The following CIZ1 variants were observed in gnomAD, a reference collection of about 807,000 sequenced individuals.
CIZ1 encodes CDKN1A interacting zinc finger protein 1, also known as cip1-interacting zinc finger protein.
CIZ1 carries 58 observed loss-of-function variants against 118.6 expected under a neutral mutation model. The ratio of observed to expected loss-of-function variants is 0.49; its 90% confidence interval spans 0.40 to 0.61. The LOEUF (loss-of-function observed/expected upper bound fraction) is 0.61, where lower values mean the gene tolerates loss of function less well. Among genes scored for constraint, CIZ1 ranks in the 20% least tolerant of loss-of-function variants. CIZ1 has a pLI of 0.00. For missense variants in CIZ1, 921 were observed against 1,115.9 expected, an observed-to-expected ratio of 0.83 and a Z score of 2.49; for synonymous variants, 448 against 443.4, an observed-to-expected ratio of 1.01 and a Z score of -0.13.
intron 11 of CIZ1, among the ~76,000 whole-genome samples, chr9:128,175,321 A>G (rs1029739941): frequency 1.3e-5 from 2 of 152,082 alleles, no homozygotes; most frequent in African/African-American, 4.8e-5. Context: ...TTTCATCATG[A>G]TACTAATAGC....
chr9:128,175,230 G>A (rs1830708316), intron 11 of CIZ1, among the ~76,000 whole-genome samples: 1 of 152,092 alleles, frequency 6.6e-6, no homozygotes, highest in African/African-American at 2.4e-5. Flanking sequence ...TTTATTCATT[G>A]TTCCACGAGC....
At chr9:128,169,306 G>A (rs980217848) in intron 13 of CIZ1, 100 bp downstream of exon 13, 26 of 876,424 alleles carry the variant, frequency 3.0e-5, no homozygotes, top group African/African-American at 2.8e-4. Context: ...CTCCAGACCC[G>A]CTGTGAGTTT....
At chr9:128,200,709 T>C (rs1325032834) in intron 1 of CIZ1, among the ~76,000 whole-genome samples, 2 of 149,362 alleles carry the variant, frequency 1.3e-5, no homozygotes, top group Non-Finnish European at 3.0e-5. Flanking sequence ...TGGTGGTGCA[T>C]GCCTGTAGTC....
intron 3 of CIZ1, among the ~76,000 whole-genome samples, chr9:128,188,434 T>C (rs1329304718): frequency 6.6e-6 from 1 of 152,150 alleles, no homozygotes; most frequent in African/African-American, 2.4e-5. Flanking sequence ...GGTTTTCCTA[T>C]CCCCATTTTT....
In CIZ1 at chr9:128,166,299, G is replaced by A; in HGVS notation, c.2595C>T (p.Arg865=). 2.0e-6 allele frequency: 1 copy of A among 493,590 alleles called. No homozygotes were observed. Among genetic ancestry groups the A allele is most frequent in the Non-Finnish European group, 4.1e-6 (1 of 245,008 alleles). 30.6% of individuals were successfully genotyped at this position (493,590 alleles called of 1,614,324 possible). The stretch of plus-strand genomic sequence containing the variant: ...CCTGGGTGTTGGGCTGGGAGGGTGG[G>A]CGGCCGCTGGAGGTGAACAGGGCTG... ...ALTALFTSSG[R]PPSQPNTQDK... The change falls in exon 17 of 17, where the codon CGC becomes CGT. Residue 865 remains arginine (R), a synonymous_variant. Transcript: ENST00000372938. The surrounding 1 kb of genome is among the most constrained non-coding windows in gnomAD (Gnocchi z 4.4).
chr9:128,191,563 G>T lies in CIZ1; in HGVS notation c.-137C>A. 1 of 1,093,462 alleles carries T rather than the reference G, an allele frequency of 9.1e-7. No homozygotes were observed. Among genetic ancestry groups the T allele is most frequent in the Non-Finnish European group, 1.1e-6 (1 of 899,456 alleles). The allele number at this position is 1,093,462 out of a possible 1,614,324, so 67.7% of individuals were successfully genotyped here. A position where few individuals can be genotyped will look rare whatever the true frequency, so the allele number is the denominator to read the frequency against. On this transcript the variant is annotated 5_prime_UTR_variant, in exon 1 of 17. Coordinates refer to ENST00000372938, the MANE Select transcript of CIZ1 (RefSeq NM_001131016.2). This position sits in a 1 kb window ranked among gnomAD's most constrained non-coding sequence, Gnocchi z 5.5. ...CCCCGCTGCTACTCCGGGGCCTGTG[G>T]GCTCGTAAGGCCCAAATGCGGGCGG...
In CIZ1 at chr9:128,169,103, C is replaced by A. The variant is rs1829805983; in HGVS notation, c.2244G>T (p.Glu748Asp). 6.2e-7 allele frequency: 1 copy of A among 1,614,088 alleles called. No homozygotes were observed. Among genetic ancestry groups the A allele is most frequent in the African/African-American group, 1.3e-5 (1 of 75,050 alleles). Residue 748 changes from glutamate to aspartate, a missense_variant, in exon 14 of 17, where the codon GAG (glutamate) becomes GAT (aspartate). Glu to Asp is a conservative substitution (Grantham distance 45). Coordinates refer to ENST00000372938, the MANE Select transcript of CIZ1 (RefSeq NM_001131016.2). ...CGATCTCTTCTTCATCCTCATCATC[C>A]TCTTCCTCTTCTTCATCACCCTCGA... The part of the protein sequence containing the change: ...GCFEGDEEEE[E>D]DDEDEEEIEV...
intron 11 of CIZ1, among the ~76,000 whole-genome samples, chr9:128,172,820 TTATA>T (rs1157991131): frequency 6.6e-6 from 1 of 152,198 alleles, no homozygotes; most frequent in Non-Finnish European, 1.5e-5. Context: ...TTTCAAAACG[TTATA>T]TAATGAGCGA....
Position 128,178,430 on chromosome 9 carries a change from T to A in CIZ1, c.1559A>T (p.Asn520Ile). Residue 520 changes from asparagine (N) to isoleucine (I), a missense_variant, in exon 9 of 17, where the codon AAT becomes ATT. Asn to Ile is a moderately radical substitution (Grantham distance 149, BLOSUM62 -3). Transcript: ENST00000372938. ...GTQVSMEEIQ[N>I]ESACGLDVGE... ...CACATCTAGGCCACAGGCCGACTCA[T>A]TCTGAATCTCTTCCATGCTGACTTG... is the stretch of plus-strand genomic sequence containing the variant. 6.2e-7 allele frequency: 1 copy of A among 1,614,084 alleles called. No individual in the cohort carries two copies. The highest frequency in any genetic ancestry group is 8.5e-7 in the Non-Finnish European group (1 of 1,179,988).
intron 5 of CIZ1, among the ~76,000 whole-genome samples, chr9:128,182,899 C>T (rs1418116194): frequency 1.3e-5 from 2 of 152,070 alleles, no homozygotes; most frequent in African/African-American, 2.4e-5. Context: ...GCTGGGATTA[C>T]AGGCATGAGT....
At chr9:128,186,395 T>C (rs1832378614) in intron 4 of CIZ1, among the ~76,000 whole-genome samples, 1 of 152,034 alleles carries the variant, frequency 6.6e-6, no homozygotes, top group Non-Finnish European at 1.5e-5. Context: ...CTTTGCCCTA[T>C]TCCATGCAAG....
At chr9:128,179,662 T>G (rs1831321899) in intron 7 of CIZ1, among the ~76,000 whole-genome samples, 1 of 150,566 alleles carries the variant, frequency 6.6e-6, no homozygotes, top group South Asian at 2.1e-4. Context: ...TTGTTTTTGG[T>G]TTTTTGTTGT....
intron 5 of CIZ1, among the ~76,000 whole-genome samples, chr9:128,183,722 T>C (rs1482405644): frequency 6.6e-6 from 1 of 152,054 alleles, no homozygotes; most frequent in Non-Finnish European, 1.5e-5. Flanking sequence ...TATAGCATTG[T>C]TCTACCCTAG....
At chr9:128,181,704 G>T (rs1831640808) in intron 5 of CIZ1, among the ~76,000 whole-genome samples, 1 of 150,068 alleles carries the variant, frequency 6.7e-6, no homozygotes, top group South Asian at 2.1e-4. Context: ...GCGGATCATG[G>T]TCCAGCAGTA....
chr9:128,199,384 C>T (rs1833455384), intron 1 of CIZ1, among the ~76,000 whole-genome samples: 1 of 151,620 alleles, frequency 6.6e-6, no homozygotes, highest in Non-Finnish European at 1.5e-5. Flanking sequence ...AAAAATTCTG[C>T]CCAGCACAGT....
rs372590203 is a variant in CIZ1 at position 128,180,850 on chromosome 9, C to T, written c.589-36G>A. The T allele has an allele frequency of 3.7e-5, 54 of 1,473,660 alleles. No homozygotes were observed. The African/African-American group carries it at 5.5e-4, about 15-fold the overall frequency. The allele number at this position is 1,473,660 out of a possible 1,614,324, so 91.3% of individuals were successfully genotyped here. On this transcript the variant is annotated intron_variant, in intron 5 of 16. Transcript: ENST00000372938. Reference sequence around the variant, plus strand: ...TCAGAAACTATGTTGACATCCAATACCCACCCCTATCAATACCCCCTTGCC... The same window carrying T: ...TCAGAAACTATGTTGACATCCAATATCCACCCCTATCAATACCCCCTTGCC...
At chr9:128,174,950 G>A (rs145286381) in intron 11 of CIZ1, among the ~76,000 whole-genome samples, 3 of 152,284 alleles carry the variant, frequency 2.0e-5, no homozygotes, top group African/African-American at 4.8e-5. Flanking sequence ...GAGCCACTGC[G>A]CCTGACCATA....
upstream of CIZ1, among the ~76,000 whole-genome samples, chr9:128,192,805 A>G (rs547841207): frequency 6.6e-6 from 1 of 152,240 alleles, no homozygotes; most frequent in Non-Finnish European, 1.5e-5. Flanking sequence ...GGCCTCCCAA[A>G]GTGCTGGGAT....
At chr9:128,184,013 C>A (rs776767638) in intron 5 of CIZ1, among the ~76,000 whole-genome samples, 1 of 152,196 alleles carries the variant, frequency 6.6e-6, no homozygotes, top group Non-Finnish European at 1.5e-5. Context: ...AATGATCTGC[C>A]CTCCTCAGCC....
Sources: gnomAD v4.1 joint callset for allele counts (sites outside exome capture counted in the v4.1 genomes callset) on GRCh38, gnomAD v4.1.1 for gene constraint, Gnocchi (gnomAD v3.1) non-coding constraint, MANE v1.5 for transcripts, NCBI Gene and HGNC (gene_info 2026-07-23, HGNC 2026-07-21) for gene names.